The following GNAO1 variants were observed in gnomAD, a reference collection of about 807,000 sequenced individuals.
GNAO1 encodes G protein subunit alpha o1.
For missense variants in GNAO1, 166 were observed against 478.7 expected (o/e 0.35, Z 6.10); for synonymous variants, 164 against 180.7 (o/e 0.91, Z 0.74).
intron 2 of GNAO1, among the ~76,000 whole-genome samples, chr16:56,246,392 A>G (rs75617169): frequency 0.012 from 1,881 of 152,332 alleles, 24 homozygotes; most frequent in Middle Eastern, 0.051. Flanking sequence ...TAACATGCCC[A>G]GGTCACAATC....
intron 3 of GNAO1, among the ~76,000 whole-genome samples, chr16:56,315,867 T>C (rs955020941): frequency 1.3e-4 from 19 of 151,966 alleles, no homozygotes; most frequent in Admixed American, 2.6e-4. Flanking sequence ...GAGACCAGCC[T>C]GGCCAACATG....
chr16:56,254,914 A>C (rs551745413), intron 2 of GNAO1, among the ~76,000 whole-genome samples: 3 of 152,198 alleles, frequency 2.0e-5, no homozygotes, highest in Admixed American at 2.0e-4. Context: ...TTATTTGAAC[A>C]CAAGATAACA....
At chr16:56,222,359 C>T (rs182166546) in intron 2 of GNAO1, among the ~76,000 whole-genome samples, 3 of 152,238 alleles carry the variant, frequency 2.0e-5, no homozygotes, top group African/African-American at 7.2e-5. Context: ...GGTAGAGAAC[C>T]ACCCTGCTCC....
At chr16:56,242,031 A>T (rs1567451742) in intron 2 of GNAO1, among the ~76,000 whole-genome samples, 1 of 152,124 alleles carries the variant, frequency 6.6e-6, no homozygotes, top group Admixed American at 6.5e-5. Context: ...TCATTCATTC[A>T]TCCCACTCTC....
At position 56,343,930 on chromosome 16, in the gene GNAO1, C is replaced by T. The variant is rs756529307; in HGVS notation, c.723+7070C>T. 39 of 1,613,826 alleles carry T rather than the reference C, an allele frequency of 2.4e-5. No homozygotes were observed. The highest frequency in any genetic ancestry group is 3.1e-5 in the Non-Finnish European group (36 of 1,180,028). ...GGACGTCATCATCGCCAAAAACCTG[C>T]GGGGCTGTGGACTCTACTGAGCCCA... On this transcript the variant is annotated intron_variant, in intron 6 of 8. Transcript: ENST00000262493.
chr16:56,208,565 G>A (rs12708960), intron 2 of GNAO1, among the ~76,000 whole-genome samples: 92,736 of 152,042 alleles, frequency 0.61, 28,608 homozygotes, highest in East Asian at 0.71. Flanking sequence ...AGTGTTTTCC[G>A]AAGTGGTAAT....
chr16:56,256,544 G>A (rs1272955821), intron 2 of GNAO1, among the ~76,000 whole-genome samples: 1 of 152,118 alleles, frequency 6.6e-6, no homozygotes, highest in Non-Finnish European at 1.5e-5. Context: ...CTGCCCAAAG[G>A]CCTCAGCAGT....
rs78443659 is a variant in GNAO1 at position 56,288,161 on chromosome 16, G to A, written c.303+12089G>A. Among the ~76,000 whole-genome samples the A allele has an allele frequency of 7.8e-3, 1,183 of 152,308 alleles. 8 individuals are homozygous for A. The highest frequency in any genetic ancestry group is 0.012 in the Non-Finnish European group (833 of 68,028). ...TTCACTCACTGGTTTATTTACTTGA[G>A]AAATATGGACGTGGCCTTCTCTGTG... On this transcript the variant is annotated intron_variant, in intron 3 of 8. Transcript: ENST00000262493.
chr16:56,242,515 A>C (rs1370150020), intron 2 of GNAO1, among the ~76,000 whole-genome samples: 1 of 152,238 alleles, frequency 6.6e-6, no homozygotes, highest in African/African-American at 2.4e-5. Flanking sequence ...GAATAAACTT[A>C]TACATCTATG....
chr16:56,257,175 T>TG lies in GNAO1; in HGVS notation c.162-18747dup, dbSNP rs879431121. ...GGGAAGGCTGAAAGGGGACTGGGTT[T>TG]GGGGGGGGGAAATTAGAAGTTCAGT... On this transcript the variant is annotated intron_variant, in intron 2 of 8. Coordinates refer to ENST00000262493, the MANE Select transcript of GNAO1 (RefSeq NM_020988.3). Among the ~76,000 whole-genome samples, 640 of 150,782 alleles carry TG rather than the reference T, an allele frequency of 4.2e-3. 5 individuals are homozygous for TG. The highest frequency in any genetic ancestry group is 0.011 in the East Asian group (55 of 5,122).
intron 3 of GNAO1, among the ~76,000 whole-genome samples, chr16:56,293,460 G>A (rs181395529): frequency 6.9e-4 from 105 of 152,250 alleles, no homozygotes; most frequent in African/African-American, 2.4e-3. Context: ...AAAATGGATT[G>A]CCCTTCTGAT....
chr16:56,326,702 GCACCGACTCAAACTGCAGCCAGCTATA>G lies in GNAO1; in HGVS notation c.304-1924_304-1898del, dbSNP rs2037635678. The stretch of plus-strand genomic sequence containing the variant: ...ATTTGCCCATTCCTGTCTGTCCGGG[GCACCGACTCAAACTGCAGCCAGCTATA>G]CACCTGAGGCAGTGAGCTCCATGGG... On this transcript the variant is annotated intron_variant, in intron 3 of 8. Transcript: ENST00000262493. This position sits in a 1 kb window ranked among gnomAD's most constrained non-coding sequence, Gnocchi z 4.8. 6.6e-6 allele frequency among the ~76,000 whole-genome samples: 1 copy of G among 152,238 alleles called. No individual in the cohort carries two copies. The highest frequency in any genetic ancestry group is 2.4e-5 in the African/African-American group (1 of 41,472).
At chr16:56,265,156 C>A (rs1346645015) in intron 2 of GNAO1, among the ~76,000 whole-genome samples, 1 of 152,258 alleles carries the variant, frequency 6.6e-6, no homozygotes, top group African/African-American at 2.4e-5. Flanking sequence ...AAAGAGCTCT[C>A]ATTCGTGAGC....
At chr16:56,350,725 G>A (rs74737838) in intron 6 of GNAO1, among the ~76,000 whole-genome samples, 2,286 of 152,224 alleles carry the variant, frequency 0.015, 64 homozygotes, top group African/African-American at 0.053. Flanking sequence ...TGGCACCCAG[G>A]ATGCTGGCAG....
At position 56,196,054 on chromosome 16, in the gene GNAO1, G is replaced by T. The variant is rs1340008951; in HGVS notation, c.161+3438G>T. Among the ~76,000 whole-genome samples the T allele has an allele frequency of 2.6e-5, 4 of 152,074 alleles. No individual in the cohort carries two copies. In the East Asian group the frequency reaches 7.7e-4, roughly 29 times the overall value. ...AGGGGAAACGTGCATCTGCTTAAGAGATACCAGTTTAGAGTGTCATTTGAA... is the reference window on the plus strand; with the variant it reads ...AGGGGAAACGTGCATCTGCTTAAGATATACCAGTTTAGAGTGTCATTTGAA... On this transcript the variant is annotated intron_variant, in intron 2 of 8. Transcript: ENST00000262493.
chr16:56,237,218 A>G (rs2036646160), intron 2 of GNAO1, among the ~76,000 whole-genome samples: 1 of 152,246 alleles, frequency 6.6e-6, no homozygotes, highest in South Asian at 2.1e-4. Context: ...AATATGAAGA[A>G]TCAAAAGACT....
At chr16:56,349,424 G>A (rs1210561474) in intron 6 of GNAO1, among the ~76,000 whole-genome samples, 1 of 152,186 alleles carries the variant, frequency 6.6e-6, no homozygotes, top group African/African-American at 2.4e-5. Flanking sequence ...GGCTCAATGA[G>A]CTTGAGTGTG....
intron 3 of GNAO1, among the ~76,000 whole-genome samples, chr16:56,304,386 C>T (rs1354879441): frequency 6.6e-6 from 1 of 152,200 alleles, no homozygotes; most frequent in Non-Finnish European, 1.5e-5. Flanking sequence ...TTCAGCAGGT[C>T]CAGGAAGATG....
At chr16:56,316,425 A>T (rs752764257) in intron 3 of GNAO1, among the ~76,000 whole-genome samples, 2 of 152,160 alleles carry the variant, frequency 1.3e-5, no homozygotes, top group Non-Finnish European at 2.9e-5. Context: ...CCCCTGAGCC[A>T]TCTGTGTGCC....
Sources: allele counts gnomAD v4.1 joint callset (sites outside exome capture counted in the v4.1 genomes callset), GRCh38; gene constraint gnomAD v4.1.1; non-coding constraint Gnocchi (gnomAD v3.1); transcripts MANE v1.5; gene names NCBI Gene and HGNC (gene_info 2026-07-23, HGNC 2026-07-21).